Variants in NMD3 observed in about 807,000 individuals in gnomAD.
The protein encoded by NMD3 is NMD3 ribosome export adaptor, also known as 60S ribosomal export protein NMD3.
A neutral mutation model predicts 73.1 loss-of-function variants in NMD3; 47 were observed. That is an observed-to-expected ratio of 0.64 (90% confidence interval 0.51 to 0.82). NMD3 has a LOEUF of 0.82. Ranked by LOEUF, NMD3 falls within the 40% of genes least tolerant of loss-of-function variation. The pLI, the probability that NMD3 is intolerant of heterozygous loss-of-function variation, is 0.00. For missense variants in NMD3, 554 were observed against 612.5 expected (o/e 0.90, Z 1.01); for synonymous variants, 210 against 194.5 (o/e 1.08, Z -0.66).
rs149016699 is a variant in NMD3 at position 161,246,477 on chromosome 3, C to T, written c.1130+29C>T. 208 of 1,015,824 alleles carry T rather than the reference C, an allele frequency of 2.0e-4. 1 individual carries two copies. In the East Asian group the frequency reaches 4.8e-3, roughly 23 times the overall value. 62.9% of individuals were successfully genotyped at this position (1,015,824 alleles called of 1,614,324 possible). A position where few individuals can be genotyped will look rare whatever the true frequency, so the allele number is the denominator to read the frequency against. On this transcript the variant is annotated intron_variant, in intron 12 of 15. Coordinates refer to ENST00000351193, the MANE Select transcript of NMD3 (RefSeq NM_015938.5). ...TGTATTATTTCATATTTTAAACTGCCAATTAGGATTGCAAATTTTCTTTGG... is the reference window on the plus strand; with the variant it reads ...TGTATTATTTCATATTTTAAACTGCTAATTAGGATTGCAAATTTTCTTTGG...
chr3:161,222,151 A>C, intron 2 of NMD3, 94 bp downstream of exon 2: 1 of 959,036 alleles, frequency 1.0e-6, no homozygotes, highest in Non-Finnish European at 1.7e-6. Context: ...GTGGGTGGGA[A>C]AGAGCGTATA....
intron 11 of NMD3, among the ~76,000 whole-genome samples, chr3:161,243,427 T>C (rs1737068810): frequency 6.6e-6 from 1 of 152,202 alleles, no homozygotes; most frequent in Non-Finnish European, 1.5e-5. Flanking sequence ...GGGATTACTG[T>C]GTTCAGATTT....
intron 5 of NMD3, among the ~76,000 whole-genome samples, 200 bp downstream of exon 5, chr3:161,233,679 C>T (rs1736628886): frequency 6.6e-6 from 1 of 152,158 alleles, no homozygotes; most frequent in Non-Finnish European, 1.5e-5. Flanking sequence ...AGCAGACTTA[C>T]TTTTCCAGAG....
chr3:161,249,364 T>C (rs938111627), intron 13 of NMD3, 90 bp from the exon 14 acceptor site: 1 of 754,004 alleles, frequency 1.3e-6, no homozygotes, highest in Non-Finnish European at 2.2e-6. Context: ...ACCAGTGTCA[T>C]TAGTTTGGTC....
At chr3:161,241,190 A>G (rs1197769953) in intron 10 of NMD3, 27 bp downstream of exon 10, 4 of 1,345,934 alleles carry the variant, frequency 3.0e-6, no homozygotes, top group Non-Finnish European at 3.2e-6. Flanking sequence ...ATTTGCCTTG[A>G]CAATTTTGTT....
At chr3:161,237,538 C>CTTTTTTTTTTTTT (rs71628447) in intron 7 of NMD3, among the ~76,000 whole-genome samples, 1 of 108,824 alleles carries the variant, frequency 9.2e-6, no homozygotes, top group Admixed American at 1.0e-4. Flanking sequence ...AAATAACTTT[C>CTTTTTTTTTTTTT]TTTTTTTTTT....
At chr3:161,245,902 C>G (rs749104130) in intron 11 of NMD3, among the ~76,000 whole-genome samples, 17 of 152,042 alleles carry the variant, frequency 1.1e-4, no homozygotes, top group Non-Finnish European at 2.2e-4. Flanking sequence ...GCTGTTTTGT[C>G]TGGACCCTGA....
At chr3:161,222,108 GC>G in intron 2 of NMD3, 51 bp downstream of exon 2, 2 of 1,494,166 alleles carry the variant, frequency 1.3e-6, no homozygotes, top group Non-Finnish European at 1.9e-6. Context: ...TCTTCAGTGA[GC>G]CCGGGAAACT....
At chr3:161,253,068 G>T, downstream of NMD3, 1 of 232,494 alleles carries the variant, frequency 4.3e-6, no homozygotes, top group Non-Finnish European at 8.3e-6. Flanking sequence ...CTGTACTCCA[G>T]CCTGGGCGAC....
chr3:161,221,917 A>G, intron 1 of NMD3, 77 bp from the exon 2 acceptor site: 1 of 926,954 alleles, frequency 1.1e-6, no homozygotes, highest in Non-Finnish European at 1.6e-6. Context: ...GAAGACGTAA[A>G]AAGAGGAGAC....
chr3:161,249,669 T>C (rs1398190424), intron 14 of NMD3, 109 bp downstream of exon 14: 2 of 738,068 alleles, frequency 2.7e-6, no homozygotes, highest in Non-Finnish European at 4.8e-6. Flanking sequence ...TTGCACTCAA[T>C]TATAATCTTG....
intron 11 of NMD3, among the ~76,000 whole-genome samples, chr3:161,243,967 C>T (rs1737092345): frequency 6.6e-6 from 1 of 151,752 alleles, no homozygotes; most frequent in Admixed American, 6.6e-5. Flanking sequence ...GCTTTAGCAT[C>T]TGTTGATAAT....
At chr3:161,237,823 C>T (rs1230257349) in intron 7 of NMD3, among the ~76,000 whole-genome samples, 2 of 152,094 alleles carry the variant, frequency 1.3e-5, no homozygotes, top group African/African-American at 4.8e-5. Context: ...CCACCGCACC[C>T]GGCTGTTCAT....
chr3:161,238,015 T>C, intron 7 of NMD3, 98 bp from the exon 8 acceptor site: 2 of 786,992 alleles, frequency 2.5e-6, no homozygotes, highest in East Asian at 2.6e-5. Context: ...TAATTTGATT[T>C]TGTTTAAAAC....
In NMD3 at chr3:161,251,102, A is replaced by C; in HGVS notation, c.*192A>C. The C allele has an allele frequency of 4.5e-6, 2 of 442,872 alleles. No individual in the cohort carries two copies. Among genetic ancestry groups the C allele is most frequent in the Non-Finnish European group, 8.1e-6 (2 of 246,594 alleles). 27.4% of individuals were successfully genotyped at this position (442,872 alleles called of 1,614,324 possible). A position where few individuals can be genotyped will look rare whatever the true frequency, so the allele number is the denominator to read the frequency against. ...TAGCTTTGAGGTTTTAGATAAGGAAAGATTATGGAGAATGTAGTTGTTATT... is the reference window on the plus strand; with the variant it reads ...TAGCTTTGAGGTTTTAGATAAGGAACGATTATGGAGAATGTAGTTGTTATT... On this transcript the variant is annotated 3_prime_UTR_variant, in exon 16 of 16. Transcript: ENST00000351193.
chr3:161,247,186 T>A, intron 12 of NMD3, 72 bp from the exon 13 acceptor site: 1 of 899,562 alleles, frequency 1.1e-6, no homozygotes, highest in Non-Finnish European at 1.8e-6. Context: ...AAGTTTTAGG[T>A]GATAGCCATA....
intron 8 of NMD3, 57 bp downstream of exon 8, chr3:161,238,248 CA>C: frequency 9.8e-7 from 1 of 1,016,714 alleles, no homozygotes; most frequent in Non-Finnish European, 1.5e-6. Flanking sequence ...GGATGCGGAT[CA>C]CATATATTCT....
chr3:161,222,646 C>A (rs1486664079), intron 2 of NMD3, among the ~76,000 whole-genome samples: 5 of 151,408 alleles, frequency 3.3e-5, no homozygotes, highest in African/African-American at 1.2e-4. Flanking sequence ...AAAGAGATTA[C>A]TACAGAGACT....
Position 161,251,034 on chromosome 3 carries a change from A to T in NMD3, c.*124A>T. ...AATTTAGTTTTAAACCTGAATAAAC[A>T]TGTTTGTTTTCAGTGCTCACTCAAA... On this transcript the variant is annotated 3_prime_UTR_variant, in exon 16 of 16. Transcript: ENST00000351193. The T allele has an allele frequency of 1.4e-6, 1 of 699,826 alleles. No individual in the cohort carries two copies. The highest frequency in any genetic ancestry group is 2.3e-6 in the Non-Finnish European group (1 of 435,638). 43.4% of individuals were successfully genotyped at this position (699,826 alleles called of 1,614,324 possible).
Sources: gnomAD v4.1 joint callset for allele counts (sites outside exome capture counted in the v4.1 genomes callset) on GRCh38, gnomAD v4.1.1 for gene constraint, MANE v1.5 for transcripts, NCBI Gene and HGNC (gene_info 2026-07-23, HGNC 2026-07-21) for gene names.